Variants in ABCD3 observed in about 807,000 individuals in gnomAD.
ABCD3 encodes ATP binding cassette subfamily D member 3.
A neutral mutation model predicts 105.5 loss-of-function variants in ABCD3; 41 were observed. That is an observed-to-expected ratio of 0.39 (90% CI 0.30 to 0.50). The LOEUF is 0.50. ABCD3 is among the 20% of genes least tolerant of loss of function. The pLI, the probability that ABCD3 is intolerant of heterozygous loss-of-function variation, is 0.84. For missense variants in ABCD3, 622 were observed against 806.3 expected (o/e 0.77, Z 2.77); for synonymous variants, 258 against 269.0 (o/e 0.96, Z 0.40).
chr1:94,414,738 A>G (rs1158775608), upstream of ABCD3, among the ~76,000 whole-genome samples: 1 of 151,984 alleles, frequency 6.6e-6, no homozygotes, highest in Non-Finnish European at 1.5e-5. Context: ...ACCTTCCTCA[A>G]TCTGCTTCGG....
chr1:94,476,505 TTGG>T (rs1648747678), intron 7 of ABCD3, among the ~76,000 whole-genome samples: 1 of 152,226 alleles, frequency 6.6e-6, no homozygotes, highest in Non-Finnish European at 1.5e-5. Flanking sequence ...TCCCTTGGTG[TTGG>T]CTAGGAGCTT....
chr1:94,401,240 T>C, the ABCD3 span, among the ~76,000 whole-genome samples: 3 of 152,270 alleles, frequency 2.0e-5, no homozygotes, highest in East Asian at 5.8e-4. Context: ...TTTCATATAC[T>C]GTTTAAGAGA....
At chr1:94,394,451 G>C in the ABCD3 span, among the ~76,000 whole-genome samples, 1 of 152,190 alleles carries the variant, frequency 6.6e-6, no homozygotes, top group Admixed American at 6.5e-5. Context: ...TGCATACCAG[G>C]TGCCAGACTG....
At chr1:94,463,080 G>A (rs1196096275) in intron 2 of ABCD3, among the ~76,000 whole-genome samples, 3 of 152,136 alleles carry the variant, frequency 2.0e-5, no homozygotes, top group African/African-American at 7.2e-5. Context: ...TTGGAATAGG[G>A]TTTGGATCAA....
chr1:94,467,931 G>C lies in ABCD3; in HGVS notation c.259G>C (p.Val87Leu). Reference protein sequence around the residue: ...RTFCKETGYLVLIAVMLVSRT... With the variant: ...RTFCKETGYLLLIAVMLVSRT... ...TGGTTTATTTTAGACAGGTTACTTG[G>C]TACTTATTGCTGTTATGCTGGTGTC... The change falls in exon 4 of 23, where the codon GTA becomes CTA. Residue 87 changes from valine to leucine, a missense_variant. Physicochemically the swap from Val to Leu is conservative, Grantham distance 32. Coordinates refer to ENST00000370214, the MANE Select transcript of ABCD3 (RefSeq NM_002858.4). 1 of 1,612,118 alleles carries C rather than the reference G, an allele frequency of 6.2e-7. No homozygotes were observed. Among genetic ancestry groups the C allele is most frequent in the Non-Finnish European group, 8.5e-7 (1 of 1,178,580 alleles).
At chr1:94,481,643 C>T (rs1557681013) in intron 9 of ABCD3, 1 of 152,220 alleles carries the variant, frequency 6.6e-6, no homozygotes, top group African/African-American at 2.4e-5. Context: ...GCTAATTCTT[C>T]TTGTGACCAC....
intron 1 of ABCD3, among the ~76,000 whole-genome samples, chr1:94,437,726 A>T (rs191001864): frequency 1.3e-3 from 194 of 152,338 alleles, no homozygotes; most frequent in Non-Finnish European, 2.3e-3. Context: ...TTCCATAGAT[A>T]GTTATCTCTG....
chr1:94,484,695 T>C (rs551758465), intron 10 of ABCD3, among the ~76,000 whole-genome samples: 1 of 152,254 alleles, frequency 6.6e-6, no homozygotes, highest in Non-Finnish European at 1.5e-5. Flanking sequence ...AAATGACGAC[T>C]TAATGAGTGC....
chr1:94,498,168 C>T (rs1649906675), intron 16 of ABCD3, among the ~76,000 whole-genome samples: 1 of 152,108 alleles, frequency 6.6e-6, no homozygotes, highest in Non-Finnish European at 1.5e-5. Context: ...TGGACTCAAG[C>T]AATCCTCCCA....
intron 3 of ABCD3, among the ~76,000 whole-genome samples, chr1:94,465,705 TTTCA>T (rs770327037): frequency 4.6e-5 from 7 of 152,234 alleles, no homozygotes; most frequent in Non-Finnish European, 8.8e-5. Context: ...TCATCAGTTA[TTTCA>T]TTCAGGAAGT....
intron 4 of ABCD3, among the ~76,000 whole-genome samples, chr1:94,472,679 T>G (rs1648544515): frequency 6.6e-6 from 1 of 152,146 alleles, no homozygotes; most frequent in Non-Finnish European, 1.5e-5. Context: ...TTGTTAGATT[T>G]GTTTAACCTA....
chr1:94,507,340 A>G (rs1570836290), intron 21 of ABCD3, among the ~76,000 whole-genome samples: 1 of 152,104 alleles, frequency 6.6e-6, no homozygotes, highest in Non-Finnish European at 1.5e-5. Flanking sequence ...TTATGGCTGC[A>G]TAGTATTCCA....
At chr1:94,506,717 G>A (rs1342679823) in intron 21 of ABCD3, 75 bp downstream of exon 21, 3 of 1,123,118 alleles carry the variant, frequency 2.7e-6, no homozygotes, top group East Asian at 2.4e-5. Context: ...TCTGTCCAAA[G>A]AGAAGATTCC....
intron 5 of ABCD3, among the ~76,000 whole-genome samples, chr1:94,474,561 G>A (rs1648637595): frequency 6.6e-6 from 1 of 152,026 alleles, no homozygotes; most frequent in South Asian, 2.1e-4. Context: ...ATAGCTTTTA[G>A]ACTTTTTAAA....
intron 1 of ABCD3, among the ~76,000 whole-genome samples, chr1:94,440,683 C>T (rs758586186): frequency 1.8e-4 from 27 of 152,122 alleles, no homozygotes; most frequent in Admixed American, 7.9e-4. Context: ...TGCTACCTTT[C>T]GGGTTTTGTA....
At chr1:94,441,208 T>C (rs1043537979) in intron 1 of ABCD3, among the ~76,000 whole-genome samples, 1 of 152,330 alleles carries the variant, frequency 6.6e-6, no homozygotes, top group Non-Finnish European at 1.5e-5. Context: ...ATCTGTAATA[T>C]ATATCACAGA....
intron 16 of ABCD3, among the ~76,000 whole-genome samples, chr1:94,497,316 A>G (rs1372860702): frequency 1.3e-5 from 2 of 152,182 alleles, no homozygotes; most frequent in Admixed American, 6.5e-5. Context: ...AATATGGCCT[A>G]CTTGCCTAGA....
At chr1:94,501,038 C>CA (rs1650067161) in intron 20 of ABCD3, among the ~76,000 whole-genome samples, 1 of 151,990 alleles carries the variant, frequency 6.6e-6, no homozygotes, top group East Asian at 1.9e-4. Flanking sequence ...GACGGAAACT[C>CA]AGAGAATGAA....
chr1:94,393,536 G>A, the ABCD3 span, among the ~76,000 whole-genome samples: 2 of 152,076 alleles, frequency 1.3e-5, no homozygotes, highest in Non-Finnish European at 2.9e-5. Context: ...CTACCTGGGA[G>A]GCTGAGGCAG....
Sources: allele counts gnomAD v4.1 joint callset (sites outside exome capture counted in the v4.1 genomes callset), GRCh38; gene constraint gnomAD v4.1.1; transcripts MANE v1.5; gene names NCBI Gene and HGNC (gene_info 2026-07-23, HGNC 2026-07-21).